The following ADAMTS2 variants were observed in gnomAD, a reference collection of about 807,000 sequenced individuals.
ADAMTS2 encodes the protein ADAM metallopeptidase with thrombospondin type 1 motif 2, also known as A disintegrin and metalloproteinase with thrombospondin motifs 2.
A neutral mutation model predicts 123.0 loss-of-function variants in ADAMTS2; 50 were observed. That is an observed-to-expected ratio of 0.41 (90% CI 0.32 to 0.51). The LOEUF is 0.51. ADAMTS2 is among the 20% of genes least tolerant of loss of function. The probability of loss-of-function intolerance (pLI) is 0.35; values close to 1 mark genes in which losing one functional copy is unlikely to be tolerated. For missense variants in ADAMTS2, 1,494 were observed against 1,705.2 expected, an observed-to-expected ratio of 0.88 and a Z score of 2.18; for synonymous variants, 678 against 695.4, an observed-to-expected ratio of 0.98 and a Z score of 0.39.
At chr5:179,323,147 G>C (rs911223332) in intron 2 of ADAMTS2, among the ~76,000 whole-genome samples, 2 of 152,250 alleles carry the variant, frequency 1.3e-5, no homozygotes, top group African/African-American at 4.8e-5. Flanking sequence ...TCGAGAGGCA[G>C]GCACCGAGCC....
chr5:179,203,996 C>T (rs909358323), intron 4 of ADAMTS2, among the ~76,000 whole-genome samples: 19 of 152,196 alleles, frequency 1.2e-4, no homozygotes, highest in African/African-American at 4.8e-5. Context: ...CACCCACACA[C>T]GGGATACTGG....
At chr5:179,139,823 C>T in intron 11 of ADAMTS2, 67 bp downstream of exon 11, 2 of 1,603,948 alleles carry the variant, frequency 1.2e-6, no homozygotes, top group Admixed American at 1.7e-5. Flanking sequence ...ACAGGGCTGG[C>T]TGGAGAGGGT....
intron 2 of ADAMTS2, among the ~76,000 whole-genome samples, chr5:179,280,881 A>G (rs913465403): frequency 2.0e-5 from 3 of 152,020 alleles, no homozygotes; most frequent in African/African-American, 7.2e-5. Flanking sequence ...TTTTTGAGAC[A>G]GAGTCTCGCT....
chr5:179,247,165 A>G (rs989182322), intron 3 of ADAMTS2, among the ~76,000 whole-genome samples: 4 of 152,224 alleles, frequency 2.6e-5, no homozygotes, highest in Non-Finnish European at 5.9e-5. Flanking sequence ...ATAATGTATC[A>G]CAAAATAGAG....
At chr5:179,264,277 T>C (rs1435728774) in intron 3 of ADAMTS2, among the ~76,000 whole-genome samples, 2 of 152,176 alleles carry the variant, frequency 1.3e-5, no homozygotes, top group Non-Finnish European at 2.9e-5. Context: ...TCTTTCACCG[T>C]CATCCATGGG....
At chr5:179,289,249 G>A (rs1293101600) in intron 2 of ADAMTS2, among the ~76,000 whole-genome samples, 3 of 152,120 alleles carry the variant, frequency 2.0e-5, no homozygotes, top group African/African-American at 7.2e-5. Flanking sequence ...GGTCAAATCT[G>A]GGGCAATTTG....
intron 4 of ADAMTS2, among the ~76,000 whole-genome samples, chr5:179,183,802 GC>G (rs1235873132): frequency 6.6e-6 from 1 of 152,234 alleles, no homozygotes; most frequent in Non-Finnish European, 1.5e-5. Flanking sequence ...CCAGGCCTCT[GC>G]CTGCAAATGG....
At chr5:179,122,815 A>G (rs1762788495) in intron 19 of ADAMTS2, 42 bp from the exon 20 acceptor site, 2 of 1,550,786 alleles carry the variant, frequency 1.3e-6, no homozygotes, top group Non-Finnish European at 1.7e-6. Context: ...CCTCCCACAC[A>G]GGGCCCGCAC....
chr5:179,160,401 A>G (rs1763571624), intron 5 of ADAMTS2, among the ~76,000 whole-genome samples: 1 of 152,236 alleles, frequency 6.6e-6, no homozygotes, highest in African/African-American at 2.4e-5. Flanking sequence ...CAGTGAGCTG[A>G]GATCACGCCA....
intron 10 of ADAMTS2, among the ~76,000 whole-genome samples, chr5:179,147,695 A>C (rs1364428551): frequency 6.6e-6 from 1 of 152,108 alleles, no homozygotes; most frequent in African/African-American, 2.4e-5. Context: ...ATTTAACTCT[A>C]CTTGTAAGAG....
chr5:179,207,475 T>TGCCCCCCCCCCCC, intron 4 of ADAMTS2, 38 bp downstream of exon 4: 4 of 588,616 alleles, frequency 6.8e-6, no homozygotes, highest in East Asian at 3.8e-5. Flanking sequence ...TGGTTGACCC[T>TGCCCCCCCCCCCC]CCCCGCCCCA....
intron 3 of ADAMTS2, among the ~76,000 whole-genome samples, chr5:179,240,627 G>C (rs1235519423): frequency 6.6e-6 from 1 of 152,152 alleles, no homozygotes. Context: ...AGTCCTTTTT[G>C]GAAACCTTGA....
At chr5:179,229,850 C>T (rs1020144800) in intron 3 of ADAMTS2, among the ~76,000 whole-genome samples, 1 of 152,174 alleles carries the variant, frequency 6.6e-6, no homozygotes, top group Non-Finnish European at 1.5e-5. Context: ...TTCACAACTC[C>T]CCTTTCTCGG....
intron 2 of ADAMTS2, among the ~76,000 whole-genome samples, chr5:179,327,318 A>G (rs1441876467): frequency 1.3e-5 from 2 of 152,184 alleles, no homozygotes; most frequent in South Asian, 2.1e-4. Context: ...CTCAGTCCAC[A>G]TTCATAGAGT....
At chr5:179,344,588 C>T (rs1757885065) in intron 1 of ADAMTS2, among the ~76,000 whole-genome samples, 1 of 152,340 alleles carries the variant, frequency 6.6e-6, no homozygotes, top group Admixed American at 6.5e-5. Context: ...GACCCCTCGG[C>T]GGGCCCCTGC....
Position 179,234,261 on chromosome 5 carries a change from G to A in ADAMTS2, c.689-26546C>T, listed in dbSNP as rs1280912992. The stretch of plus-strand genomic sequence containing the variant: ...CTCTGTGGGGGATTCCTGCTGCTCT[G>A]CCTGAATTCACCCAGGTGGGCAGTC... On this transcript the variant is annotated intron_variant, in intron 3 of 21. Transcript: ENST00000251582. The surrounding 1 kb of genome is among the most constrained non-coding windows in gnomAD (Gnocchi z 4.7). Among the ~76,000 whole-genome samples, 4 of 152,088 alleles carry A rather than the reference G, an allele frequency of 2.6e-5. No homozygotes were observed. The highest frequency in any genetic ancestry group is 4.4e-5 in the Non-Finnish European group (3 of 68,010).
At chr5:179,183,803 C>T (rs1347893003) in intron 4 of ADAMTS2, among the ~76,000 whole-genome samples, 2 of 152,204 alleles carry the variant, frequency 1.3e-5, no homozygotes, top group Admixed American at 6.5e-5. Flanking sequence ...CAGGCCTCTG[C>T]CTGCAAATGG....
chr5:179,209,831 C>G (rs916936393), intron 3 of ADAMTS2, among the ~76,000 whole-genome samples: 3 of 152,190 alleles, frequency 2.0e-5, no homozygotes, highest in African/African-American at 7.2e-5. Flanking sequence ...TTCCAACGAA[C>G]AGAGACAGCT....
At chr5:179,192,455 T>G (rs1764329165) in intron 4 of ADAMTS2, among the ~76,000 whole-genome samples, 1 of 151,768 alleles carries the variant, frequency 6.6e-6, no homozygotes, top group South Asian at 2.1e-4. Flanking sequence ...ACCACCAGAG[T>G]CTGTTTATGT....
Sources: gnomAD v4.1 joint callset for allele counts (sites outside exome capture counted in the v4.1 genomes callset) on GRCh38, gnomAD v4.1.1 for gene constraint, Gnocchi (gnomAD v3.1) non-coding constraint, MANE v1.5 for transcripts, NCBI Gene and HGNC (gene_info 2026-07-23, HGNC 2026-07-21) for gene names.